Variants in RORA observed in about 807,000 individuals in gnomAD.
RORA encodes the protein RAR related orphan receptor A.
In RORA, 7 loss-of-function variants were observed where a neutral mutation model predicts 69.5. That is an observed-to-expected ratio of 0.10 (90% CI 0.06 to 0.19). The LOEUF (loss-of-function observed/expected upper bound fraction) is 0.19. Among genes scored for constraint, RORA ranks in the 10% least tolerant of loss-of-function variants. RORA has a pLI of 1.00. For missense variants in RORA, 457 were observed against 663.0 expected (o/e 0.69, Z 3.41); for synonymous variants, 261 against 240.8 (o/e 1.08, Z -0.78).
intron 2 of RORA, among the ~76,000 whole-genome samples, chr15:60,668,572 G>A (rs1327566940): frequency 6.6e-6 from 1 of 152,132 alleles, no homozygotes; most frequent in Admixed American, 6.5e-5. Context: ...TGGCCTCGGG[G>A]GACAGAGTTT....
intron 1 of RORA, among the ~76,000 whole-genome samples, chr15:61,090,464 G>C (rs2078689342): frequency 6.6e-6 from 1 of 152,200 alleles, no homozygotes; most frequent in South Asian, 2.1e-4. Flanking sequence ...TTGCCACCTA[G>C]TGATTCTTGG....
chr15:61,072,105 C>G (rs1209243858), intron 1 of RORA, among the ~76,000 whole-genome samples: 1 of 152,160 alleles, frequency 6.6e-6, no homozygotes, highest in Non-Finnish European at 1.5e-5. Context: ...CAATAGAACT[C>G]TAACTACAGT....
Position 60,953,887 on chromosome 15 carries a change from T to C in RORA, c.166+275166A>G, listed in dbSNP as rs1339879870. 1.6e-4 allele frequency among the ~76,000 whole-genome samples: 24 copies of C among 149,400 alleles called. No homozygotes were observed. In the East Asian group the frequency reaches 4.8e-3, roughly 30 times the overall value. ...ACCATTGTGGAAGTCAGTGTGGCGA[T>C]TCCTCAGGGATCTAGAACTAGAAAT... On this transcript the variant is annotated intron_variant, in intron 1 of 10. Transcript: ENST00000335670.
At chr15:60,615,726 A>G (rs926017363) in intron 2 of RORA, among the ~76,000 whole-genome samples, 2 of 151,996 alleles carry the variant, frequency 1.3e-5, no homozygotes, top group African/African-American at 4.8e-5. Flanking sequence ...TTTATCCTGA[A>G]CTCCTAACAA....
chr15:60,883,758 G>C (rs749693244), intron 1 of RORA, among the ~76,000 whole-genome samples: 1 of 152,178 alleles, frequency 6.6e-6, no homozygotes, highest in Non-Finnish European at 1.5e-5. Flanking sequence ...TGTGCAAAAA[G>C]TAAAGGAACA....
intron 1 of RORA, among the ~76,000 whole-genome samples, chr15:60,733,914 C>G (rs374688254): frequency 3.7e-4 from 38 of 101,376 alleles, no homozygotes; most frequent in Admixed American, 7.7e-4. Context: ...AGAATAGGGG[C>G]AGAGAGAGAG....
chr15:60,943,360 A>T lies in RORA; in HGVS notation c.167-264674T>A, dbSNP rs74820829. Among the ~76,000 whole-genome samples the T allele has an allele frequency of 6.0e-3, 898 of 149,712 alleles. 15 individuals are homozygous for T. The highest frequency in any genetic ancestry group is 0.021 in the African/African-American group (847 of 40,528). On this transcript the variant is annotated intron_variant, in intron 1 of 10. Coordinates refer to ENST00000335670, the MANE Select transcript of RORA (RefSeq NM_134261.3). ...GCTTAGGAACGTCAATTCTGATTCT[A>T]TTCAATCTTGTTCTGGCTCTTGTAG...
chr15:61,105,444 A>G (rs1184675954), intron 1 of RORA, among the ~76,000 whole-genome samples: 4 of 152,218 alleles, frequency 2.6e-5, no homozygotes, highest in African/African-American at 4.8e-5. Context: ...ATGATATTTC[A>G]TAAAGTCTGA....
At chr15:61,063,195 C>A (rs768939600) in intron 1 of RORA, among the ~76,000 whole-genome samples, 1 of 152,192 alleles carries the variant, frequency 6.6e-6, no homozygotes, top group Non-Finnish European at 1.5e-5. Context: ...ATATCTGAAC[C>A]CTTCACGGCG....
chr15:60,678,347 G>A (rs2070585900), intron 2 of RORA: 1 of 235,616 alleles, frequency 4.2e-6, no homozygotes, highest in Non-Finnish European at 8.2e-6. Flanking sequence ...TTCTAAGAAG[G>A]ATCTAGGATA....
intron 1 of RORA, among the ~76,000 whole-genome samples, chr15:60,772,731 G>A (rs758469905): frequency 4.6e-4 from 70 of 152,256 alleles, no homozygotes; most frequent in African/African-American, 1.5e-3. Flanking sequence ...GTAGGGGGCC[G>A]TCCTAGCCCA....
intron 2 of RORA, among the ~76,000 whole-genome samples, chr15:60,598,994 C>T (rs2068757442): frequency 6.6e-6 from 1 of 152,120 alleles, no homozygotes; most frequent in Non-Finnish European, 1.5e-5. Context: ...GTCTATCCTC[C>T]AAGGAGCTTG....
At chr15:61,161,188 T>C (rs954941807) in intron 1 of RORA, among the ~76,000 whole-genome samples, 1 of 152,180 alleles carries the variant, frequency 6.6e-6, no homozygotes, top group Non-Finnish European at 1.5e-5. Context: ...GGATCCCATA[T>C]GAAGTCTCAA....
intron 1 of RORA, among the ~76,000 whole-genome samples, chr15:60,898,857 G>A (rs1891307039): frequency 6.6e-6 from 1 of 152,192 alleles, no homozygotes; most frequent in South Asian, 2.1e-4. Flanking sequence ...GTTCTATCTA[G>A]CATACAGTTT....
At chr15:60,762,992 T>A (rs1324099191) in intron 1 of RORA, among the ~76,000 whole-genome samples, 1 of 148,508 alleles carries the variant, frequency 6.7e-6, no homozygotes, top group African/African-American at 2.5e-5. Context: ...TAAACAAAAA[T>A]GTTTTCAGGG....
chr15:60,875,132 C>T (rs1361789732), intron 1 of RORA, among the ~76,000 whole-genome samples: 1 of 152,134 alleles, frequency 6.6e-6, no homozygotes, highest in Non-Finnish European at 1.5e-5. Context: ...TTTACTGACC[C>T]CTAAGCTGGA....
At chr15:60,633,630 G>A (rs1023366554) in intron 2 of RORA, among the ~76,000 whole-genome samples, 2 of 152,190 alleles carry the variant, frequency 1.3e-5, no homozygotes, top group Non-Finnish European at 2.9e-5. Context: ...GAGAAGAGTT[G>A]GGTATTTGCC....
chr15:60,917,123 C>T (rs1312615492), intron 1 of RORA, among the ~76,000 whole-genome samples: 1 of 152,146 alleles, frequency 6.6e-6, no homozygotes, highest in Non-Finnish European at 1.5e-5. Flanking sequence ...CTGGACCCAA[C>T]TTCATCACAG....
chr15:60,571,274 A>G (rs1229946150), intron 2 of RORA, among the ~76,000 whole-genome samples: 1 of 152,026 alleles, frequency 6.6e-6, no homozygotes, highest in Non-Finnish European at 1.5e-5. Flanking sequence ...TGTCCCTGAC[A>G]CAGTTTGAAT....
Sources: allele counts gnomAD v4.1 joint callset (sites outside exome capture counted in the v4.1 genomes callset), GRCh38; gene constraint gnomAD v4.1.1; transcripts MANE v1.5; gene names NCBI Gene and HGNC (gene_info 2026-07-23, HGNC 2026-07-21).